MAGI2: variants seen among roughly 807,000 people sequenced by gnomAD.
MAGI2 encodes membrane associated guanylate kinase, WW and PDZ domain containing 2, also known as membrane-associated guanylate kinase, WW and PDZ domain-containing protein 2.
In MAGI2, 35 loss-of-function variants were observed where a neutral mutation model predicts 133.3. That is an observed-to-expected ratio of 0.26 (90% CI 0.20 to 0.35). MAGI2 has a LOEUF of 0.35. MAGI2 is among the 10% of genes least tolerant of loss of function. The pLI, the probability that MAGI2 is intolerant of heterozygous loss-of-function variation, is 1.00. For missense variants in MAGI2, 1,636 were observed against 1,863.4 expected, an observed-to-expected ratio of 0.88 and a Z score of 2.25; for synonymous variants, 729 against 710.6, an observed-to-expected ratio of 1.03 and a Z score of -0.41.
chr7:78,573,291 A>AAT (rs796996861), intron 3 of MAGI2, among the ~76,000 whole-genome samples: 5,568 of 53,112 alleles, frequency 0.1, 535 homozygotes, highest in East Asian at 0.3. Context: ...TATTTATATA[A>AAT]ATATATATAT....
intron 2 of MAGI2, among the ~76,000 whole-genome samples, chr7:78,960,140 C>T (rs372394457): frequency 2.6e-5 from 4 of 152,008 alleles, no homozygotes; most frequent in Non-Finnish European, 4.4e-5. Context: ...AGGTGGTACT[C>T]CCTCAGAGGA....
At chr7:79,268,707 C>A (rs535689429) in intron 1 of MAGI2, among the ~76,000 whole-genome samples, 2 of 152,110 alleles carry the variant, frequency 1.3e-5, no homozygotes, top group African/African-American at 4.8e-5. Context: ...GTATTTGTGG[C>A]CTTTTTGGGT....
Position 78,294,684 on chromosome 7 carries a change from A to G in MAGI2, c.1409-38103T>C, listed in dbSNP as rs567036826. 2.0e-5 allele frequency among the ~76,000 whole-genome samples: 3 copies of G among 152,254 alleles called. No individual in the cohort carries two copies. In the South Asian group the frequency reaches 6.2e-4, roughly 32 times the overall value. Reference sequence around the variant, plus strand: ...ATGCCATCTATCAGCAAATTCACCAACCAAGCAGCCAACCAACCGATCAAC... The same window carrying G: ...ATGCCATCTATCAGCAAATTCACCAGCCAAGCAGCCAACCAACCGATCAAC... On this transcript the variant is annotated intron_variant, in intron 9 of 21. Coordinates refer to ENST00000354212, the MANE Select transcript of MAGI2 (RefSeq NM_012301.4).
chr7:78,031,137 C>A (rs1809527547), intron 21 of MAGI2, among the ~76,000 whole-genome samples: 1 of 152,186 alleles, frequency 6.6e-6, no homozygotes, highest in Non-Finnish European at 1.5e-5. Context: ...GTGATTCCAT[C>A]TGTATGACAT....
chr7:78,916,108 A>G (rs17151659), intron 2 of MAGI2, among the ~76,000 whole-genome samples: 39,788 of 152,030 alleles, frequency 0.26, 5,717 homozygotes, highest in South Asian at 0.38. Context: ...GATGTTGTTC[A>G]AAACCTACAA....
intron 1 of MAGI2, among the ~76,000 whole-genome samples, chr7:79,080,363 A>C (rs1016420867): frequency 6.6e-6 from 1 of 152,116 alleles, no homozygotes; most frequent in Non-Finnish European, 1.5e-5. Context: ...AGGGTCAATA[A>C]ATTATATATA....
intron 1 of MAGI2, among the ~76,000 whole-genome samples, chr7:79,293,360 A>G (rs979143111): frequency 2.0e-4 from 31 of 152,166 alleles, no homozygotes; most frequent in African/African-American, 7.5e-4. Flanking sequence ...CAAGTATATA[A>G]AAATTTCCCA....
intron 1 of MAGI2, among the ~76,000 whole-genome samples, chr7:79,379,079 T>G (rs1843599878): frequency 6.7e-6 from 1 of 150,050 alleles, no homozygotes; most frequent in Admixed American, 6.7e-5. Flanking sequence ...TCATTTACAT[T>G]AGGTATATCT....
chr7:79,273,487 C>T lies in MAGI2; in HGVS notation c.301+179533G>A, dbSNP rs115520957. ...TCTTGCTCTTGGGGGTTTTCTGCAA[C>T]TTATTTCAAGAAGGCTTAAAAATTG... On this transcript the variant is annotated intron_variant, in intron 1 of 21. Coordinates refer to ENST00000354212, the MANE Select transcript of MAGI2 (RefSeq NM_012301.4). 2.0e-3 allele frequency among the ~76,000 whole-genome samples: 308 copies of T among 152,076 alleles called. 1 individual carries two copies. The highest frequency in any genetic ancestry group is 7.3e-3 in the African/African-American group (301 of 41,506).
At chr7:78,838,382 T>C (rs1791838920) in intron 2 of MAGI2, among the ~76,000 whole-genome samples, 1 of 152,038 alleles carries the variant, frequency 6.6e-6, no homozygotes, top group African/African-American at 2.4e-5. Context: ...AATAGAGCAA[T>C]TGATCATACA....
chr7:78,621,916 T>C (rs954222868), intron 3 of MAGI2, among the ~76,000 whole-genome samples: 3 of 152,020 alleles, frequency 2.0e-5, no homozygotes, highest in Admixed American at 6.6e-5. Flanking sequence ...ACTTTCCTCA[T>C]GACTATTTTT....
intron 1 of MAGI2, among the ~76,000 whole-genome samples, chr7:79,416,500 T>G (rs1473516257): frequency 6.6e-6 from 1 of 151,980 alleles, no homozygotes; most frequent in Non-Finnish European, 1.5e-5. Context: ...TTTTAGGTGA[T>G]AATGACAAGC....
chr7:79,125,541 TG>T (rs1289392133), intron 1 of MAGI2: 1 of 512,670 alleles, frequency 2.0e-6, no homozygotes, highest in African/African-American at 1.9e-5. Flanking sequence ...GCAGTGGCTA[TG>T]GTGGGAGTGG....
chr7:79,299,238 A>C (rs1392827546), intron 1 of MAGI2, among the ~76,000 whole-genome samples: 2 of 152,076 alleles, frequency 1.3e-5, no homozygotes, highest in African/African-American at 4.8e-5. Flanking sequence ...TTTAAGATTA[A>C]GTAGAAATTT....
At chr7:78,970,715 G>T (rs1362370997) in intron 2 of MAGI2, among the ~76,000 whole-genome samples, 1 of 152,060 alleles carries the variant, frequency 6.6e-6, no homozygotes, top group South Asian at 2.1e-4. Flanking sequence ...GTGACTGTGG[G>T]TCTGCACTAT....
intron 21 of MAGI2, among the ~76,000 whole-genome samples, chr7:78,077,037 CT>C (rs1815401567): frequency 6.6e-6 from 1 of 152,180 alleles, no homozygotes; most frequent in African/African-American, 2.4e-5. Context: ...TACTTGCTCA[CT>C]ACAGACAAGC....
At chr7:79,104,866 A>G (rs1320052537) in intron 1 of MAGI2, among the ~76,000 whole-genome samples, 1 of 152,164 alleles carries the variant, frequency 6.6e-6, no homozygotes, top group Non-Finnish European at 1.5e-5. Context: ...CTGGGTGTCT[A>G]CCAGAAGCTC....
At chr7:78,415,238 C>A (rs1562963286) in intron 6 of MAGI2, among the ~76,000 whole-genome samples, 1 of 152,034 alleles carries the variant, frequency 6.6e-6, no homozygotes, top group Non-Finnish European at 1.5e-5. Context: ...AATCTCAAGA[C>A]CTATAGAGTT....
At chr7:79,088,866 T>C (rs1159169894) in intron 1 of MAGI2, among the ~76,000 whole-genome samples, 1 of 151,850 alleles carries the variant, frequency 6.6e-6, no homozygotes, top group Non-Finnish European at 1.5e-5. Flanking sequence ...ACTCAAGCAA[T>C]ACCATTCAGG....
Sources: allele counts gnomAD v4.1 joint callset (sites outside exome capture counted in the v4.1 genomes callset), GRCh38; gene constraint gnomAD v4.1.1; transcripts MANE v1.5; gene names NCBI Gene and HGNC (gene_info 2026-07-23, HGNC 2026-07-21).